Variants in NHS observed in about 807,000 individuals in gnomAD.
The protein encoded by NHS is NHS actin remodeling regulator, also known as actin remodeling regulator NHS.
Under a neutral mutation model 72.5 loss-of-function variants are expected in NHS, and 5 were observed. The ratio of observed to expected loss-of-function variants is 0.07; its 90% CI spans 0.04 to 0.14. The LOEUF (loss-of-function observed/expected upper bound fraction) is 0.14. Among genes scored for constraint, NHS ranks in the 10% least tolerant of loss-of-function variants. The probability of loss-of-function intolerance (pLI) is 1.00; values close to 1 mark genes in which losing one functional copy is unlikely to be tolerated. For missense variants in NHS, 1,072 were observed against 1,355.7 expected (o/e 0.79, Z 3.29); for synonymous variants, 464 against 547.7 (o/e 0.85, Z 2.13).
chrX:17,531,490 CCT>C (rs1318508162), intron 1 of NHS, among the ~76,000 whole-genome samples: 1 of 112,210 alleles, frequency 8.9e-6, no homozygotes, highest in Non-Finnish European at 1.9e-5. Flanking sequence ...CTCCTTGTAG[CCT>C]CTCTTGCATT....
intron 1 of NHS, among the ~76,000 whole-genome samples, chrX:17,641,896 T>C (rs1442686722): frequency 8.9e-6 from 1 of 111,865 alleles, no homozygotes; most frequent in African/African-American, 3.2e-5. Flanking sequence ...TAGGCTTTGA[T>C]GAATTGGTAG....
At chrX:17,477,091 C>A (rs1349225250) in intron 1 of NHS, among the ~76,000 whole-genome samples, 1 of 112,107 alleles carries the variant, frequency 8.9e-6, no homozygotes, top group Non-Finnish European at 1.9e-5. Flanking sequence ...TTTCAGAGAA[C>A]TTGCAGTCTA....
chrX:17,527,840 G>T (rs2065180457), intron 1 of NHS, among the ~76,000 whole-genome samples: 1 of 111,078 alleles, frequency 9.0e-6, no homozygotes, highest in South Asian at 3.8e-4. Flanking sequence ...TGCCCCCTTG[G>T]CCTGCCTGTA....
chrX:17,437,963 A>ACC (rs1260004919), intron 1 of NHS, among the ~76,000 whole-genome samples: 10 of 112,157 alleles, frequency 8.9e-5, no homozygotes, highest in African/African-American at 3.2e-4. Context: ...GTCTGTGCCT[A>ACC]GGATACATTT....
chrX:17,672,701 T>C (rs1378850314), intron 1 of NHS, among the ~76,000 whole-genome samples: 1 of 112,515 alleles, frequency 8.9e-6, no homozygotes, highest in Non-Finnish European at 1.9e-5. Context: ...CTCCCACTAT[T>C]CTTACTCTCT....
intron 1 of NHS, among the ~76,000 whole-genome samples, chrX:17,448,601 T>C (rs2064792697): frequency 9.0e-6 from 1 of 111,616 alleles, no homozygotes; most frequent in Non-Finnish European, 1.9e-5. Context: ...ACATTTGAGT[T>C]CTCCAGACCT....
At chrX:17,653,524 A>G (rs2065940123) in intron 1 of NHS, among the ~76,000 whole-genome samples, 1 of 110,041 alleles carries the variant, frequency 9.1e-6, no homozygotes, top group Admixed American at 9.7e-5. Context: ...ACTGTTAACA[A>G]CCACCTCATT....
chrX:17,575,197 T>C (rs2146978372), intron 1 of NHS, among the ~76,000 whole-genome samples: 1 of 112,262 alleles, frequency 8.9e-6, no homozygotes, highest in Non-Finnish European at 1.9e-5. Context: ...GGTCACACAC[T>C]GGCGTGCCCC....
At chrX:17,680,754 T>A (rs1411504757) in intron 1 of NHS, among the ~76,000 whole-genome samples, 1 of 111,186 alleles carries the variant, frequency 9.0e-6, no homozygotes, top group Admixed American at 9.5e-5. Flanking sequence ...AAAAAAAAAA[T>A]ACAGAAGTCC....
intron 1 of NHS, among the ~76,000 whole-genome samples, chrX:17,416,446 T>C (rs755526807): frequency 1.5e-4 from 17 of 111,926 alleles, no homozygotes; most frequent in Admixed American, 1.2e-3. Flanking sequence ...TTAAAATACC[T>C]TTTCTTCTCT....
At chrX:17,425,341 C>G (rs1219251632) in intron 1 of NHS, among the ~76,000 whole-genome samples, 1 of 109,248 alleles carries the variant, frequency 9.2e-6, no homozygotes, top group Non-Finnish European at 1.9e-5. Flanking sequence ...AGAGCTAGTT[C>G]CATTTGTTAG....
chrX:17,400,036 A>G (rs2064495738), intron 1 of NHS, among the ~76,000 whole-genome samples: 1 of 111,856 alleles, frequency 8.9e-6, no homozygotes, highest in African/African-American at 3.3e-5. Flanking sequence ...CTTGCCAATT[A>G]TATTTAATAT....
chrX:17,476,722 G>A (rs1364559980), intron 1 of NHS, among the ~76,000 whole-genome samples: 3 of 111,922 alleles, frequency 2.7e-5, no homozygotes, highest in Non-Finnish European at 5.6e-5. Context: ...GGGAGCTGGA[G>A]TATTTATACA....
intron 1 of NHS, among the ~76,000 whole-genome samples, chrX:17,558,524 C>T (rs2065393921): frequency 3.6e-5 from 4 of 112,324 alleles, no homozygotes; most frequent in Non-Finnish European, 7.5e-5. Flanking sequence ...ACATGGGCTT[C>T]GTAGCCACAG....
At chrX:17,398,164 G>A (rs753446966) in intron 1 of NHS, among the ~76,000 whole-genome samples, 3 of 111,868 alleles carry the variant, frequency 2.7e-5, no homozygotes, top group Non-Finnish European at 3.8e-5. Context: ...GTGTGAAGGT[G>A]GGAGTAGGAG....
At chrX:17,541,961 T>G (rs1244492312) in intron 1 of NHS, among the ~76,000 whole-genome samples, 4 of 112,008 alleles carry the variant, frequency 3.6e-5, no homozygotes, top group Non-Finnish European at 5.6e-5. Context: ...GCTCTTGCCC[T>G]TCTCTCTTGG....
At chrX:17,464,124 A>G (rs1033967088) in intron 1 of NHS, among the ~76,000 whole-genome samples, 14 of 111,668 alleles carry the variant, frequency 1.3e-4, no homozygotes, top group African/African-American at 4.6e-4. Flanking sequence ...GCCTTGGGGG[A>G]GAGGAATTCT....
chrX:17,462,059 T>A lies in NHS; in HGVS notation c.565+85737T>A, dbSNP rs773458678. Among the ~76,000 whole-genome samples, 240 of 111,090 alleles carry A rather than the reference T, an allele frequency of 2.2e-3. 1 individual carries two copies. The highest frequency in any genetic ancestry group is 3.2e-3 in the Non-Finnish European group (169 of 53,103). Reference sequence around the variant, plus strand: ...AATGAGTGAAGAAATAGATTCTACATCATGATGGGAGATCTGCAATGTTAT... The same window carrying A: ...AATGAGTGAAGAAATAGATTCTACAACATGATGGGAGATCTGCAATGTTAT... On this transcript the variant is annotated intron_variant, in intron 1 of 8. Coordinates refer to ENST00000676302, the MANE Select transcript of NHS (RefSeq NM_001291867.2).
At chrX:17,575,186 G>A (rs1229553253) in intron 1 of NHS, among the ~76,000 whole-genome samples, 1 of 112,085 alleles carries the variant, frequency 8.9e-6, no homozygotes, top group Non-Finnish European at 1.9e-5. Flanking sequence ...TTTAACTCAT[G>A]GGTCACACAC....
Sources: allele counts gnomAD v4.1 joint callset (sites outside exome capture counted in the v4.1 genomes callset), GRCh38; gene constraint gnomAD v4.1.1; transcripts MANE v1.5; gene names NCBI Gene and HGNC (gene_info 2026-07-23, HGNC 2026-07-21).